Variants in FBN1 observed in about 807,000 individuals in gnomAD.
The protein encoded by FBN1 is fibrillin 1, also known as fibrillin-1.
A neutral mutation model predicts 365.1 loss-of-function variants in FBN1; 29 were observed. That is an observed-to-expected ratio of 0.08 (90% confidence interval 0.06 to 0.11). The LOEUF is 0.11. FBN1 is among the 10% of genes least tolerant of loss of function. FBN1 has a pLI of 1.00. For missense variants in FBN1, 2,476 were observed against 3,703.2 expected (o/e 0.67, Z 8.60); for synonymous variants, 1,210 against 1,270.5 (o/e 0.95, Z 1.01).
chr15:48,435,772 A>ATGTGTGTGTG (rs374043226), intron 53 of FBN1, among the ~76,000 whole-genome samples: 41 of 106,352 alleles, frequency 3.9e-4, no homozygotes, highest in Non-Finnish European at 6.8e-4. Context: ...ATATGTGTAT[A>ATGTGTGTGTG]TGTGTGTGTG....
chr15:48,585,741 T>C (rs1296083726), intron 6 of FBN1, among the ~76,000 whole-genome samples: 1 of 152,184 alleles, frequency 6.6e-6, no homozygotes, highest in South Asian at 2.1e-4. Context: ...TACATAAACC[T>C]CTATTTTAGT....
chr15:48,582,509 C>T (rs947644255), intron 6 of FBN1, among the ~76,000 whole-genome samples: 1 of 152,148 alleles, frequency 6.6e-6, no homozygotes, highest in Non-Finnish European at 1.5e-5. Flanking sequence ...CATGACCAAA[C>T]AGTGTGTTGC....
rs3214935 is a variant in FBN1 at position 48,467,796 on chromosome 15, AT to A, written c.4747+141del. 31,201 of 785,278 alleles carry A rather than the reference AT, an allele frequency of 0.04. 2,494 individuals carry two copies. The highest frequency in any genetic ancestry group is 0.23 in the East Asian group (9,286 of 39,854). The allele number at this position is 785,278 out of a possible 1,614,324, so 48.6% of individuals were successfully genotyped here. ...ACCAGGAATATTTTCTGACTCTCGA[AT>A]TGGGAATAAGGTCCCCTCTACAGGG... On this transcript the variant is annotated intron_variant, in intron 38 of 65. Coordinates refer to ENST00000316623, the MANE Select transcript of FBN1 (RefSeq NM_000138.5).
intron 44 of FBN1, among the ~76,000 whole-genome samples, 193 bp from the exon 45 acceptor site, chr15:48,452,877 C>A (rs912984191): frequency 3.3e-5 from 5 of 152,146 alleles, no homozygotes; most frequent in Admixed American, 2.6e-4. Context: ...GGTGAATTAA[C>A]AAATAAACTG....
At chr15:48,453,563 T>C (rs1370805279) in intron 44 of FBN1, among the ~76,000 whole-genome samples, 1 of 152,098 alleles carries the variant, frequency 6.6e-6, no homozygotes. Context: ...TGAATAGTTA[T>C]GGAATGGTGG....
rs200822151 is a variant in FBN1 at position 48,411,382 on chromosome 15, G to C, written c.8227-3C>G. ...TTGGCTTCTGTCTCAGACTGATCCT[G>C]GAAAGACACATGGCAATATGTTAAA... On this transcript the variant is annotated splice_region_variant and splice_polypyrimidine_tract_variant and intron_variant, in intron 65 of 65. Transcript: ENST00000316623. 2.5e-6 allele frequency: 4 copies of C among 1,613,370 alleles called. No homozygotes were observed.
chr15:48,528,062 C>A (rs376487534), intron 8 of FBN1, among the ~76,000 whole-genome samples: 1 of 152,228 alleles, frequency 6.6e-6, no homozygotes, highest in Non-Finnish European at 1.5e-5. Flanking sequence ...GAAGAATGTA[C>A]CTTTTTCAAA....
At chr15:48,540,632 A>C (rs1463708506) in intron 6 of FBN1, among the ~76,000 whole-genome samples, 1 of 152,166 alleles carries the variant, frequency 6.6e-6, no homozygotes, top group Admixed American at 6.5e-5. Flanking sequence ...AACAGTCATC[A>C]AGATTTTTAT....
intron 4 of FBN1, among the ~76,000 whole-genome samples, chr15:48,608,976 C>T: frequency 6.6e-6 from 1 of 152,216 alleles, no homozygotes; most frequent in Non-Finnish European, 1.5e-5. Context: ...ATTTCTTCCC[C>T]CAGAGGAGTG....
intron 51 of FBN1, 131 bp downstream of exon 51, chr15:48,437,637 T>A: frequency 9.3e-7 from 1 of 1,071,474 alleles, no homozygotes; most frequent in Non-Finnish European, 1.4e-6. Flanking sequence ...AAATAATTTT[T>A]AATGAACATT....
Position 48,454,223 on chromosome 15 carries a change from A to G in FBN1, c.5423-1539T>C, listed in dbSNP as rs559850963. Among the ~76,000 whole-genome samples, 3 of 152,342 alleles carry G rather than the reference A, an allele frequency of 2.0e-5. 1 individual carries two copies. Among genetic ancestry groups the G allele is most frequent in the East Asian group, 1.9e-4 (1 of 5,186 alleles). ...TTTCTAATAAGTTCCCAGCTGATGC[A>G]GGTGCTCCTGGTCTGTAGAGAGTGC... On this transcript the variant is annotated intron_variant, in intron 44 of 65. Coordinates refer to ENST00000316623, the MANE Select transcript of FBN1 (RefSeq NM_000138.5).
intron 6 of FBN1, among the ~76,000 whole-genome samples, chr15:48,550,921 C>G (rs2044135967): frequency 6.6e-6 from 1 of 152,062 alleles, no homozygotes; most frequent in African/African-American, 2.4e-5. Context: ...TCTCCATGGC[C>G]TAGAATATCC....
chr15:48,492,626 TA>T (rs1411048349), intron 23 of FBN1, 40 bp from the exon 24 acceptor site: 2 of 1,390,420 alleles, frequency 1.4e-6, no homozygotes, highest in African/African-American at 2.9e-5. Flanking sequence ...TATATCTTTA[TA>T]ATATCATTCT....
intron 42 of FBN1, among the ~76,000 whole-genome samples, chr15:48,462,167 G>A (rs2043284187): frequency 6.6e-6 from 1 of 152,132 alleles, no homozygotes; most frequent in Non-Finnish European, 1.5e-5. Flanking sequence ...ATATCACTGT[G>A]GAAAATGGTG....
intron 8 of FBN1, among the ~76,000 whole-genome samples, chr15:48,531,054 T>G (rs566139725): frequency 6.6e-6 from 1 of 152,360 alleles, no homozygotes; most frequent in Non-Finnish European, 1.5e-5. Context: ...TCTTTCAGCA[T>G]GCGTACTCTA....
intron 32 of FBN1, among the ~76,000 whole-genome samples, chr15:48,475,250 T>C (rs1813857870): frequency 6.6e-6 from 1 of 152,204 alleles, no homozygotes; most frequent in Non-Finnish European, 1.5e-5. Context: ...ATCTTTTCCC[T>C]AGCTTCTTAG....
chr15:48,410,879 T>A lies in FBN1; in HGVS notation c.*111A>T. 9.1e-7 allele frequency: 1 copy of A among 1,103,398 alleles called. No homozygotes were observed. The highest frequency in any genetic ancestry group is 3.0e-4 in the Middle Eastern group (1 of 3,356). The allele number at this position is 1,103,398 out of a possible 1,614,324, so 68.4% of individuals were successfully genotyped here. A position where few individuals can be genotyped will look rare whatever the true frequency, so the allele number is the denominator to read the frequency against. Reference sequence around the variant, plus strand: ...AAGAATAGTGCTTATTTATACAAATTTACTTGGTGAAAGATTGTACCTATG... The same window carrying A: ...AAGAATAGTGCTTATTTATACAAATATACTTGGTGAAAGATTGTACCTATG... On this transcript the variant is annotated 3_prime_UTR_variant, in exon 66 of 66. Coordinates refer to ENST00000316623, the MANE Select transcript of FBN1 (RefSeq NM_000138.5).
At chr15:48,482,636 T>C (rs1259437374) in intron 31 of FBN1, among the ~76,000 whole-genome samples, 1 of 152,146 alleles carries the variant, frequency 6.6e-6, no homozygotes, top group Non-Finnish European at 1.5e-5. Context: ...TTAGGGTTCA[T>C]AGGGCAGAGT....
At chr15:48,554,784 G>A (rs1243722045) in intron 6 of FBN1, among the ~76,000 whole-genome samples, 1 of 152,122 alleles carries the variant, frequency 6.6e-6, no homozygotes, top group Non-Finnish European at 1.5e-5. Flanking sequence ...AAATGGAAGT[G>A]TCTTATATAC....
Sources: allele counts gnomAD v4.1 joint callset (sites outside exome capture counted in the v4.1 genomes callset), GRCh38; gene constraint gnomAD v4.1.1; transcripts MANE v1.5; gene names NCBI Gene and HGNC (gene_info 2026-07-23, HGNC 2026-07-21).